Variants in SORT1 observed in about 807,000 individuals in gnomAD.
SORT1 encodes the protein sortilin 1, also known as sortilin.
SORT1 carries 39 observed loss-of-function variants against 101.7 expected under a neutral mutation model. The ratio of observed to expected loss-of-function variants is 0.38; its 90% CI spans 0.30 to 0.50. SORT1 has a LOEUF of 0.50. SORT1 is among the 20% of genes least tolerant of loss of function. SORT1 has a pLI of 0.90. For synonymous variants in SORT1, 396 were observed against 393.7 expected (o/e 1.01, Z -0.07); for missense variants, 878 against 1,040.4 (o/e 0.84, Z 2.15).
intron 14 of SORT1, 44 bp from the exon 15 acceptor site, chr1:109,323,165 C>T (rs1245348481): frequency 6.9e-7 from 1 of 1,457,598 alleles, no homozygotes; most frequent in Non-Finnish European, 9.5e-7. Context: ...CAGCACAGAA[C>T]CCACCCACGG....
At chr1:109,338,080 G>C (rs1024411296) in intron 10 of SORT1, among the ~76,000 whole-genome samples, 1 of 152,152 alleles carries the variant, frequency 6.6e-6, no homozygotes, top group Non-Finnish European at 1.5e-5. Context: ...AAATACTTGC[G>C]CAGCTAAAGG....
At chr1:109,326,222 T>TG (rs1220709244) in intron 13 of SORT1, among the ~76,000 whole-genome samples, 2 of 143,912 alleles carry the variant, frequency 1.4e-5, no homozygotes, top group African/African-American at 5.1e-5. Flanking sequence ...TAATTTTTCT[T>TG]TTTTTTTTTT....
intron 1 of SORT1, chr1:109,393,301 G>A: frequency 1.2e-5 from 12 of 985,298 alleles, no homozygotes; most frequent in Non-Finnish European, 1.4e-5. Flanking sequence ...TTAGTGACAG[G>A]AGCAGAGGGA....
rs79115538 is a variant in SORT1 at position 109,334,153 on chromosome 1, A to G, written c.1371+2087T>C. The stretch of plus-strand genomic sequence containing the variant: ...GGGGCAAGACTGTGTCTTTAAAAAA[A>G]AGAAAAAAAAGAAAATGAAGGACAG... On this transcript the variant is annotated intron_variant, in intron 11 of 19. Transcript: ENST00000256637. Among the ~76,000 whole-genome samples the G allele has an allele frequency of 2.0e-4, 31 of 152,320 alleles. 1 individual carries two copies. The East Asian group carries it at 6.0e-3, about 29-fold the overall frequency.
chr1:109,393,261 G>C, intron 1 of SORT1: 2 of 985,336 alleles, frequency 2.0e-6, no homozygotes, highest in Non-Finnish European at 2.4e-6. Flanking sequence ...AGTTGGAGTA[G>C]AAGTTGGGAA....
chr1:109,359,030 G>A (rs1395655690), intron 3 of SORT1, among the ~76,000 whole-genome samples: 1 of 152,150 alleles, frequency 6.6e-6, no homozygotes, highest in Non-Finnish European at 1.5e-5. Context: ...TTGGAATAGA[G>A]CTTATTTTAG....
intron 1 of SORT1, among the ~76,000 whole-genome samples, chr1:109,394,098 G>GT (rs1204164074): frequency 2.6e-5 from 4 of 152,110 alleles, no homozygotes; most frequent in Admixed American, 2.6e-4. Context: ...CCTTACCATG[G>GT]TAAGTCAAAC....
intron 1 of SORT1, chr1:109,393,055 T>G: frequency 1.0e-6 from 1 of 985,418 alleles, no homozygotes; most frequent in Non-Finnish European, 1.2e-6. Flanking sequence ...TACAAAGGTC[T>G]GGCGATTCAC....
chr1:109,351,026 C>T, intron 5 of SORT1, 24 bp from the exon 6 acceptor site: 3 of 1,497,094 alleles, frequency 2.0e-6, no homozygotes, highest in South Asian at 1.1e-5. Context: ...AATGACTTAT[C>T]AAAATTCTAG....
At chr1:109,373,719 T>G (rs1651640417) in intron 1 of SORT1, among the ~76,000 whole-genome samples, 1 of 152,086 alleles carries the variant, frequency 6.6e-6, no homozygotes, top group Admixed American at 6.6e-5. Flanking sequence ...CAGAACAAAG[T>G]TCAAGAATAT....
intron 1 of SORT1, among the ~76,000 whole-genome samples, chr1:109,378,532 T>C (rs1178592822): frequency 6.6e-6 from 1 of 151,246 alleles, no homozygotes; most frequent in East Asian, 1.9e-4. Flanking sequence ...GGATAAAGCT[T>C]TGTTGCCAGA....
chr1:109,383,235 C>A (rs1419484455), intron 1 of SORT1, among the ~76,000 whole-genome samples: 1 of 152,156 alleles, frequency 6.6e-6, no homozygotes, highest in Non-Finnish European at 1.5e-5. Context: ...GATGGCCTGA[C>A]CCCATCAGGA....
intron 1 of SORT1, among the ~76,000 whole-genome samples, chr1:109,388,741 A>C (rs1557828798): frequency 6.6e-6 from 1 of 152,216 alleles, no homozygotes; most frequent in Non-Finnish European, 1.5e-5. Context: ...TACTATCTTC[A>C]CAATGACCCT....
intron 7 of SORT1, 105 bp downstream of exon 7, chr1:109,347,378 T>A: frequency 1.4e-6 from 1 of 729,158 alleles, no homozygotes; most frequent in Non-Finnish European, 2.3e-6. Context: ...TATTACAATT[T>A]CAGGAGAATG....
chr1:109,394,750 T>C (rs75841451), intron 1 of SORT1, among the ~76,000 whole-genome samples: 7,830 of 152,200 alleles, frequency 0.051, 225 homozygotes, highest in Non-Finnish European at 0.062. Flanking sequence ...TTCACATACA[T>C]TGATGATGTG....
chr1:109,392,934 C>T (rs531438050), intron 1 of SORT1: 7 of 985,216 alleles, frequency 7.1e-6, no homozygotes, highest in Middle Eastern at 5.2e-4. Flanking sequence ...ATAAGCTAGA[C>T]GGCTGGGGGT....
intron 1 of SORT1, chr1:109,392,579 C>T: frequency 1.0e-6 from 1 of 983,056 alleles, no homozygotes; most frequent in Non-Finnish European, 1.2e-6. Flanking sequence ...TTTGAGTCAG[C>T]AGAGAACTTA....
intron 11 of SORT1, among the ~76,000 whole-genome samples, chr1:109,329,838 A>G (rs1310766061): frequency 4.6e-5 from 7 of 152,226 alleles, no homozygotes; most frequent in African/African-American, 1.7e-4. Flanking sequence ...GCAAACTTGA[A>G]CAACACCATA....
chr1:109,326,399 G>A (rs768751241), intron 13 of SORT1, among the ~76,000 whole-genome samples: 4 of 132,058 alleles, frequency 3.0e-5, no homozygotes, highest in East Asian at 2.2e-4. Context: ...GTGCTTGAAC[G>A]CTTCCATAAT....
Sources: gnomAD v4.1 joint callset for allele counts (sites outside exome capture counted in the v4.1 genomes callset) on GRCh38, gnomAD v4.1.1 for gene constraint, MANE v1.5 for transcripts, NCBI Gene and HGNC (gene_info 2026-07-23, HGNC 2026-07-21) for gene names.